Variants in IGHMBP2 observed in about 807,000 individuals in gnomAD.
IGHMBP2 encodes DNA-binding protein SMUBP-2.
A neutral mutation model predicts 96.0 loss-of-function variants in IGHMBP2; 81 were observed. The ratio of observed to expected loss-of-function variants is 0.84; its 90% confidence interval spans 0.71 to 1.01. IGHMBP2 has a LOEUF of 1.01. IGHMBP2 is among the 50% of genes least tolerant of loss of function. IGHMBP2 has a pLI of 0.00. For missense variants in IGHMBP2, 1,227 were observed against 1,306.3 expected (o/e 0.94, Z 0.94); for synonymous variants, 557 against 548.9 (o/e 1.01, Z -0.21).
intron 8 of IGHMBP2, among the ~76,000 whole-genome samples, chr11:68,931,327 C>T (rs1859289604): frequency 6.6e-6 from 1 of 152,110 alleles, no homozygotes; most frequent in African/African-American, 2.4e-5. Context: ...CCCAAGAGCT[C>T]CCGACCCACC....
Position 68,914,865 on chromosome 11 carries a change from G to A in IGHMBP2, c.754G>A (p.Val252Met), listed in dbSNP as rs1284064613. The A allele has an allele frequency of 9.9e-6, 16 of 1,614,250 alleles. No individual in the cohort carries two copies. The highest frequency in any genetic ancestry group is 1.4e-5 in the Non-Finnish European group (16 of 1,180,048). ...CTCCAACATCGCCGTGGACAATCTGGTGGAGCGCCTGGCTCTGTGTAAGCA... is the reference window on the plus strand; with the variant it reads ...CTCCAACATCGCCGTGGACAATCTGATGGAGCGCCTGGCTCTGTGTAAGCA... ...APSNIAVDNLVERLALCKQRI... is the reference protein window; with the variant it reads ...APSNIAVDNLMERLALCKQRI... Residue 252 changes from valine (V) to methionine (M), a missense_variant, in exon 6 of 15, where the codon GTG (valine) becomes ATG (methionine). Val to Met is a conservative substitution (Grantham distance 21, BLOSUM62 1). Around this residue, in one of 3 missense-constraint regions of IGHMBP2, gnomAD observed 507 missense variants for 496.9 expected, o/e 1.02. Transcript: ENST00000255078.
At chr11:68,917,695 TTGGACTGAAGTAAG>T (rs1184581513) in intron 6 of IGHMBP2, 27 bp from the exon 7 acceptor site, 1 of 1,543,654 alleles carries the variant, frequency 6.5e-7, no homozygotes. Context: ...AAGTACAAAG[TTGGACTGAAGTAAG>T]TGTATCTCCT....
chr11:68,913,446 G>A (rs1858523748), intron 5 of IGHMBP2, among the ~76,000 whole-genome samples: 1 of 152,094 alleles, frequency 6.6e-6, no homozygotes, highest in East Asian at 1.9e-4. Context: ...TGAGCTTAAG[G>A]GCCTGTAGAG....
Position 68,939,931 on chromosome 11 carries a change from G to C in IGHMBP2, c.*200G>C, listed in dbSNP as rs972224151. On this transcript the variant is annotated 3_prime_UTR_variant, in exon 15 of 15. Coordinates refer to ENST00000255078, the MANE Select transcript of IGHMBP2 (RefSeq NM_002180.3). ...TGTCACAATGTGGAGGAAAGCACCT[G>C]GGGGACAACAGTGCTCGTGCAGGTG... is the stretch of plus-strand genomic sequence containing the variant. The C allele has an allele frequency of 6.5e-6, 4 of 613,700 alleles. No homozygotes were observed. The African/African-American group carries it at 7.4e-5, about 11-fold the overall frequency. 38.0% of individuals were successfully genotyped at this position (613,700 alleles called of 1,614,324 possible).
Position 68,933,549 on chromosome 11 carries a change from C to G in IGHMBP2, c.1418+68C>G. 2.6e-6 allele frequency: 4 copies of G among 1,510,290 alleles called. No homozygotes were observed. In the East Asian group the frequency reaches 7.1e-5, roughly 27 times the overall value. 93.6% of individuals were successfully genotyped at this position (1,510,290 alleles called of 1,614,324 possible). A position where few individuals can be genotyped will look rare whatever the true frequency, so the allele number is the denominator to read the frequency against. On this transcript the variant is annotated intron_variant, in intron 9 of 14. Transcript: ENST00000255078. ...GGCTAATCCTCTGCGTCACCTGTTT[C>G]TACGCAGCAAGCTAAAGTGAAGCTT...
intron 7 of IGHMBP2, among the ~76,000 whole-genome samples, chr11:68,924,135 A>G (rs1306521036): frequency 6.6e-6 from 1 of 152,160 alleles, no homozygotes; most frequent in African/African-American, 2.4e-5. Context: ...AAAAAATTTT[A>G]AATAACTGGC....
In IGHMBP2 at chr11:68,914,841, T is replaced by G. The variant is rs775600808; in HGVS notation, c.730T>G (p.Ser244Ala). The G allele has an allele frequency of 8.7e-6, 14 of 1,614,246 alleles. No individual in the cohort carries two copies. The highest frequency in any genetic ancestry group is 1.0e-5 in the Non-Finnish European group (12 of 1,180,048). The change falls in exon 6 of 15, where the codon TCC becomes GCC. Residue 244 changes from serine to alanine, a missense_variant. By Grantham distance (99) the Ser-to-Ala change is moderately conservative. Transcript: ENST00000255078. Reference protein sequence around the residue: ...QGLKVLCCAPSNIAVDNLVER... With the variant: ...QGLKVLCCAPANIAVDNLVER... ...TTCCCAGGTTCTGTGCTGCGCCCCC[T>G]CCAACATCGCCGTGGACAATCTGGT...
intron 4 of IGHMBP2, among the ~76,000 whole-genome samples, chr11:68,909,808 T>TA (rs1858360849): frequency 6.6e-6 from 1 of 151,992 alleles, no homozygotes; most frequent in Admixed American, 6.6e-5. Context: ...TTGTATTTTT[T>TA]AGTAGAGACA....
chr11:68,939,609 A>G lies in IGHMBP2; in HGVS notation c.2860A>G (p.Ser954Gly). 1.2e-6 allele frequency: 2 copies of G among 1,613,552 alleles called. No individual in the cohort carries two copies. The highest frequency in any genetic ancestry group is 3.3e-5 in the Admixed American group (2 of 60,026). ...ISREGVLYAG[S>G]GTKNGSLDPA... ...CCGGGAAGGGGTCCTCTATGCCGGC[A>G]GCGGGACCAAGAACGGATCCCTGGA... The change falls in exon 15 of 15, where the codon AGC becomes GGC. Residue 954 changes from serine to glycine, a missense_variant. By Grantham distance (56) the Ser-to-Gly change is moderately conservative. This residue lies in a region of IGHMBP2 where 703 missense variants were observed against 770.3 expected (regional missense o/e 0.91). Transcript: ENST00000255078.
intron 1 of IGHMBP2, among the ~76,000 whole-genome samples, chr11:68,904,803 C>CTTTTTTT (rs1555241972): frequency 8.3e-6 from 1 of 120,996 alleles, no homozygotes; most frequent in East Asian, 2.3e-4. Context: ...TTTTCTTTTT[C>CTTTTTTT]TTTTTTTTTT....
chr11:68,914,893 G>C lies in IGHMBP2; in HGVS notation c.782G>C (p.Arg261Pro). ...LVERLALCKQ[R>P]ILRLGHPARL... ...GAGCGCCTGGCTCTGTGTAAGCAGC[G>C]GATTCTGCGCCTGGGACACCCTGCC... The change falls in exon 6 of 15, where the codon CGG becomes CCG. Residue 261 changes from arginine to proline, a missense_variant. Arg to Pro is a moderately radical substitution (Grantham distance 103). This residue lies in a region of IGHMBP2 where 507 missense variants were observed against 496.9 expected (regional missense o/e 1.02). Transcript: ENST00000255078. 4 of 1,614,222 alleles carry C rather than the reference G, an allele frequency of 2.5e-6. No individual in the cohort carries two copies. The highest frequency in any genetic ancestry group is 3.4e-6 in the Non-Finnish European group (4 of 1,180,040).
intron 13 of IGHMBP2, chr11:68,937,909 G>C: frequency 2.0e-6 from 1 of 492,252 alleles, no homozygotes. Context: ...TGCCACCCCT[G>C]CCCCCAGGCA....
chr11:68,930,372 G>A, intron 8 of IGHMBP2: 1 of 1,289,810 alleles, frequency 7.8e-7, no homozygotes. Flanking sequence ...GGAAGAAGAT[G>A]TGCAAGAAAT....
At position 68,939,593 on chromosome 11, in the gene IGHMBP2, G is replaced by A. The variant is rs147918962; in HGVS notation, c.2844G>A (p.Gly948=). The change falls in exon 15 of 15, where the codon GGG becomes GGA. Residue 948 remains glycine (G), a synonymous_variant. Transcript: ENST00000255078. ...CCCGGCAGAGAATCAGCCGGGAAGG[G>A]GTCCTCTATGCCGGCAGCGGGACCA... is the stretch of plus-strand genomic sequence containing the variant. ...AHARQRISRE[G]VLYAGSGTKN... is the part of the protein sequence containing the mutation. 265 of 1,613,344 alleles carry A rather than the reference G, an allele frequency of 1.6e-4. No homozygotes were observed. In the African/African-American group the frequency reaches 3.3e-3, roughly 20 times the overall value.
In IGHMBP2 at chr11:68,929,391, C is replaced by T. The variant is rs141851480; in HGVS notation, c.1235+34C>T. ...CCTTTGCCTCACATGCCCTTCTCTG[C>T]CCCCGCCCTCCTGCGGTCCTTCCAC... On this transcript the variant is annotated intron_variant, in intron 8 of 14. Transcript: ENST00000255078. 3,094 of 1,585,430 alleles carry T rather than the reference C, an allele frequency of 2.0e-3. 7 individuals carry two copies. Among genetic ancestry groups the T allele is most frequent in the African/African-American group, 4.5e-3 (337 of 74,628 alleles).
Position 68,939,770 on chromosome 11 carries a change from T to C in IGHMBP2, c.*39T>C. The C allele has an allele frequency of 6.4e-7, 1 of 1,566,500 alleles. No homozygotes were observed. Among genetic ancestry groups the C allele is most frequent in the South Asian group, 1.2e-5 (1 of 85,930 alleles). On this transcript the variant is annotated 3_prime_UTR_variant, in exon 15 of 15. Coordinates refer to ENST00000255078, the MANE Select transcript of IGHMBP2 (RefSeq NM_002180.3). ...TGCACGCCCCGCGGAGCTCTCTCCA[T>C]GGTAGCCCAGGGCGCTGGCAGACCA... is the stretch of plus-strand genomic sequence containing the variant.
chr11:68,914,996 T>C lies in IGHMBP2; in HGVS notation c.885T>C (p.Asp295=), dbSNP rs1246567945. 1 of 1,614,102 alleles carries C rather than the reference T, an allele frequency of 6.2e-7. No homozygotes were observed. Among genetic ancestry groups the C allele is most frequent in the South Asian group, 1.1e-5 (1 of 91,080 alleles). The part of the protein sequence containing the change: ...ARSDSAQIVA[D]IRKDIDQVFV... ...GCGACAGTGCCCAGATTGTTGCAGA[T>C]ATCAGGAAGGACATCGACCAGGTCT... is the stretch of plus-strand genomic sequence containing the variant. The change falls in exon 6 of 15, where the codon GAT becomes GAC. Residue 295 remains aspartate, a synonymous_variant. Transcript: ENST00000255078.
Position 68,923,995 on chromosome 11 carries a change from C to T in IGHMBP2, c.1061-5188C>T, listed in dbSNP as rs189702389. On this transcript the variant is annotated intron_variant, in intron 7 of 14. Transcript: ENST00000255078. Reference sequence around the variant, plus strand: ...GGCTGCCCCTTCTCTGTACTCTCTCCTGGAAACTCTCAAGGCAGAAAGCTG... The same window carrying T: ...GGCTGCCCCTTCTCTGTACTCTCTCTTGGAAACTCTCAAGGCAGAAAGCTG... 3.4e-3 allele frequency among the ~76,000 whole-genome samples: 521 copies of T among 152,304 alleles called. 4 individuals carry two copies. The highest frequency in any genetic ancestry group is 0.012 in the African/African-American group (481 of 41,568).
rs1369278472 is a variant in IGHMBP2 at position 68,929,360 on chromosome 11, A to G, written c.1235+3A>G. The G allele has an allele frequency of 6.2e-7, 1 of 1,612,684 alleles. No individual in the cohort carries two copies. The highest frequency in any genetic ancestry group is 2.2e-5 in the East Asian group (1 of 44,862). The stretch of plus-strand genomic sequence containing the variant: ...CCCCCCACCACAGTCTCTCACAAGT[A>G]AGACCCCTTTGCCTCACATGCCCTT... On this transcript the variant is annotated splice_donor_region_variant and intron_variant, in intron 8 of 14. Transcript: ENST00000255078.
Sources: allele counts gnomAD v4.1 joint callset (sites outside exome capture counted in the v4.1 genomes callset), GRCh38; gene constraint gnomAD v4.1.1; regional missense constraint gnomAD v4.1.1; transcripts MANE v1.5; gene names NCBI Gene and HGNC (gene_info 2026-07-23, HGNC 2026-07-21).